ZC3H14: variants seen among roughly 807,000 people sequenced by gnomAD.
ZC3H14 encodes zinc finger CCCH-type containing 14, also known as zinc finger CCCH domain-containing protein 14.
ZC3H14 carries 31 observed loss-of-function variants against 92.4 expected under a neutral mutation model. The observed-to-expected ratio is 0.34, with a 90% confidence interval of 0.25 to 0.45. The LOEUF (loss-of-function observed/expected upper bound fraction) is 0.45. Ranked by LOEUF, ZC3H14 falls within the 20% of genes least tolerant of loss-of-function variation. ZC3H14 has a pLI of 1.00. For synonymous variants in ZC3H14, 321 were observed against 300.9 expected (o/e 1.07, Z -0.69); for missense variants, 781 against 897.3 (o/e 0.87, Z 1.66).
Position 88,603,085 on chromosome 14 carries a change from G to C in ZC3H14, c.1747+25G>C. The C allele has an allele frequency of 1.9e-6, 3 of 1,606,136 alleles. No individual in the cohort carries two copies. In the South Asian group the frequency reaches 3.3e-5, roughly 18 times the overall value. On this transcript the variant is annotated intron_variant, in intron 12 of 16. Transcript: ENST00000251038. ...GGTGTGTTGAGAGCTCAGATTTTCA[G>C]GGTGCTGTCATTGTGAAGGGAATCT...
intron 10 of ZC3H14, among the ~76,000 whole-genome samples, chr14:88,597,461 A>G (rs1332238124): frequency 6.6e-6 from 1 of 152,086 alleles, no homozygotes; most frequent in Admixed American, 6.5e-5. Flanking sequence ...TGTTTCCCCT[A>G]AGTCTGTCTT....
chr14:88,592,480 T>C (rs1230658623), intron 9 of ZC3H14: 1 of 151,194 alleles, frequency 6.6e-6, no homozygotes, highest in Non-Finnish European at 1.5e-5. Context: ...TACCATTCTT[T>C]ATAAGGATTC....
At chr14:88,595,840 A>G (rs2083741641) in intron 9 of ZC3H14, among the ~76,000 whole-genome samples, 1 of 152,212 alleles carries the variant, frequency 6.6e-6, no homozygotes, top group Admixed American at 6.5e-5. Flanking sequence ...GCATGTGGGC[A>G]TCTTAGTAAG....
rs1489474367 is a variant in ZC3H14, at chr14:88,616,672, T to C, written c.*4921T>C. The C allele has an allele frequency of 1.3e-6, 2 of 1,517,926 alleles. No homozygotes were observed. The highest frequency in any genetic ancestry group is 9.0e-7 in the Non-Finnish European group (1 of 1,116,696). The allele number at this position is 1,517,926 out of a possible 1,614,324, so 94.0% of individuals were successfully genotyped here. A position where few individuals can be genotyped will look rare whatever the true frequency, so the allele number is the denominator to read the frequency against. On this transcript the variant is annotated 3_prime_UTR_variant, in exon 17 of 17. Coordinates refer to ENST00000251038, the MANE Select transcript of ZC3H14 (RefSeq NM_024824.5). ...AATATATGGGGAAAAGTGCTGATGA[T>C]AAGACATCAAAATTAGGAGTAAACT...
chr14:88,563,343 G>T, intron 1 of ZC3H14, 174 bp downstream of exon 1: 1 of 1,472,694 alleles, frequency 6.8e-7, no homozygotes, highest in Non-Finnish European at 8.9e-7. Flanking sequence ...GACATTTGCG[G>T]CCTCGGAGCG....
Position 88,621,312 on chromosome 14 carries a change from A to G in ZC3H14, c.*9561A>G. Reference sequence around the variant, plus strand: ...AACAAGGATCTTGCCCTGAAACACAAGCAGGACCAATACAGTGAATGTAAT... The same window carrying G: ...AACAAGGATCTTGCCCTGAAACACAGGCAGGACCAATACAGTGAATGTAAT... On this transcript the variant is annotated 3_prime_UTR_variant, in exon 17 of 17. Coordinates refer to ENST00000251038, the MANE Select transcript of ZC3H14 (RefSeq NM_024824.5). 1 of 1,613,814 alleles carries G rather than the reference A, an allele frequency of 6.2e-7. No individual in the cohort carries two copies. The highest frequency in any genetic ancestry group is 8.5e-7 in the Non-Finnish European group (1 of 1,179,812).
At chr14:88,604,444 T>A (rs1384863315) in intron 12 of ZC3H14, among the ~76,000 whole-genome samples, 1 of 151,880 alleles carries the variant, frequency 6.6e-6, no homozygotes, top group East Asian at 2.0e-4. Context: ...CTGCACCACT[T>A]CCCCTGTGAG....
At chr14:88,611,259 C>T (rs911763533) in intron 16 of ZC3H14, among the ~76,000 whole-genome samples, 2 of 152,230 alleles carry the variant, frequency 1.3e-5, no homozygotes, top group African/African-American at 2.4e-5. Context: ...AGACTACAAG[C>T]GTGTGCCTCT....
intron 11 of ZC3H14, 126 bp downstream of exon 11, chr14:88,602,209 G>A: frequency 7.7e-7 from 1 of 1,296,320 alleles, no homozygotes; most frequent in Non-Finnish European, 1.1e-6. Flanking sequence ...TGATTCAGTA[G>A]CTAGCCCATG....
Position 88,572,158 on chromosome 14 carries a change from G to A in ZC3H14, c.364G>A (p.Ala122Thr), listed in dbSNP as rs764192496. 4.8e-5 allele frequency: 78 copies of A among 1,613,942 alleles called. No individual in the cohort carries two copies. The South Asian group carries it at 5.3e-4, about 11-fold the overall frequency. The stretch of plus-strand genomic sequence containing the variant: ...AGTGCCACCACTTGCCATTCCTAGC[G>A]CGAGACCTGAAAAAAGAGATTCCAG... ...AAVPPLAIPS[A>T]RPEKRDSRVS... Residue 122 changes from alanine to threonine, a missense_variant, in exon 5 of 17, where the codon GCG (alanine) becomes ACG (threonine). Around this residue, in one of 3 missense-constraint regions of ZC3H14, gnomAD observed 106 missense variants for 154.2 expected, o/e 0.69. Coordinates refer to ENST00000251038, the MANE Select transcript of ZC3H14 (RefSeq NM_024824.5).
rs531325064 is a variant in ZC3H14, at chr14:88,563,244, T to A, written c.36+75T>A. 2.3e-5 allele frequency: 36 copies of A among 1,555,086 alleles called. No individual in the cohort carries two copies. The African/African-American group carries it at 4.2e-4, about 18-fold the overall frequency. On this transcript the variant is annotated intron_variant, in intron 1 of 16. Transcript: ENST00000251038. ...CGGTTGTCAGGAGTAACGGGGACTG[T>A]GGGCCCGGGTGGACGCCGCGGCCTG...
chr14:88,604,614 G>A (rs1002371580), intron 12 of ZC3H14, among the ~76,000 whole-genome samples: 6 of 78,210 alleles, frequency 7.7e-5, no homozygotes, highest in African/African-American at 2.4e-4. Flanking sequence ...TTTTTTTTTT[G>A]AGATAGAGTC....
intron 10 of ZC3H14, among the ~76,000 whole-genome samples, chr14:88,597,840 C>G (rs1322111972): frequency 2.0e-5 from 3 of 152,162 alleles, no homozygotes; most frequent in African/African-American, 7.2e-5. Context: ...TCTCTTCTGC[C>G]TCCTTCAGCT....
Position 88,616,232 on chromosome 14 carries a change from T to C in ZC3H14, c.*4481T>C. On this transcript the variant is annotated 3_prime_UTR_variant, in exon 17 of 17. Coordinates refer to ENST00000251038, the MANE Select transcript of ZC3H14 (RefSeq NM_024824.5). ...ATGGGGCGAATGACCCAAGAACCTT[T>C]TGTGTTTTGCCTAAAAAACAATGAC... is the stretch of plus-strand genomic sequence containing the variant. 6.2e-7 allele frequency: 1 copy of C among 1,613,858 alleles called. No individual in the cohort carries two copies. Among genetic ancestry groups the C allele is most frequent in the Non-Finnish European group, 8.5e-7 (1 of 1,179,770 alleles).
intron 7 of ZC3H14, 123 bp from the exon 8 acceptor site, chr14:88,575,717 C>G (rs1288282806): frequency 3.3e-5 from 25 of 756,608 alleles, no homozygotes; most frequent in Non-Finnish European, 4.7e-5. Context: ...TTGGCATTTT[C>G]TAAAAACTGC....
intron 4 of ZC3H14, 49 bp from the exon 5 acceptor site, chr14:88,571,981 A>G (rs767987116): frequency 2.2e-6 from 3 of 1,384,678 alleles, no homozygotes; most frequent in Middle Eastern, 2.7e-4. Context: ...ATAAATAAAT[A>G]AAAATAAGAA....
At position 88,567,982 on chromosome 14, in the gene ZC3H14, CT is replaced by C. The variant is rs2079917979; in HGVS notation, c.80-54del. The C allele has an allele frequency of 2.1e-6, 3 of 1,425,636 alleles. No homozygotes were observed. The Admixed American group carries it at 5.3e-5, about 25-fold the overall frequency. 88.3% of individuals were successfully genotyped at this position (1,425,636 alleles called of 1,614,324 possible). ...ACATCTATATTTTCAAGCACATCAACTTTAAGAAGAAAGTTTTGAGGAAACA... is the reference window on the plus strand; with the variant it reads ...ACATCTATATTTTCAAGCACATCAACTTAAGAAGAAAGTTTTGAGGAAACA... On this transcript the variant is annotated intron_variant, in intron 2 of 16. Transcript: ENST00000251038.
rs1332018089 is a variant in ZC3H14 at position 88,607,432 on chromosome 14, T to TC, written c.1868+74dup. On this transcript the variant is annotated intron_variant, in intron 13 of 16. Transcript: ENST00000251038. ...CCCCCATCTCACCCTGCAAGTACCA[T>TC]CCCCCATCTCACCTGGCAAGTACCA... 52 of 1,384,276 alleles carry TC rather than the reference T, an allele frequency of 3.8e-5. No homozygotes were observed. The East Asian group carries it at 1.8e-3, about 47-fold the overall frequency. The allele number at this position is 1,384,276 out of a possible 1,614,324, so 85.7% of individuals were successfully genotyped here.
chr14:88,622,708 C>T lies in ZC3H14; in HGVS notation c.*10957C>T. ...TGATCCCACAGTTTAACCGCTCCTCCTTCTTTTGACCTAAGTAAATAACCA... is the reference window on the plus strand; with the variant it reads ...TGATCCCACAGTTTAACCGCTCCTCTTTCTTTTGACCTAAGTAAATAACCA... On this transcript the variant is annotated 3_prime_UTR_variant, in exon 17 of 17. Transcript: ENST00000251038. The T allele has an allele frequency of 6.2e-7, 1 of 1,606,504 alleles. No homozygotes were observed. The highest frequency in any genetic ancestry group is 8.5e-7 in the Non-Finnish European group (1 of 1,176,378).
Sources: gnomAD v4.1 joint callset for allele counts (sites outside exome capture counted in the v4.1 genomes callset) on GRCh38, gnomAD v4.1.1 for gene constraint, gnomAD v4.1.1 regional missense constraint, MANE v1.5 for transcripts, NCBI Gene and HGNC (gene_info 2026-07-23, HGNC 2026-07-21) for gene names.